Variants in GLIS3 observed in about 807,000 individuals in gnomAD.
GLIS3 encodes the protein zinc finger protein GLIS3.
Under a neutral mutation model 78.6 loss-of-function variants are expected in GLIS3, and 53 were observed. That is an observed-to-expected ratio of 0.67 (90% confidence interval 0.54 to 0.85). The LOEUF (loss-of-function observed/expected upper bound fraction) is 0.85. GLIS3 is among the 40% of genes least tolerant of loss of function. GLIS3 has a pLI of 0.00. For missense variants in GLIS3, 1,703 were observed against 1,231.1 expected, an observed-to-expected ratio of 1.38 and a Z score of -5.74; for synonymous variants, 684 against 509.9, an observed-to-expected ratio of 1.34 and a Z score of -4.60.
intron 2 of GLIS3, among the ~76,000 whole-genome samples, chr9:4,178,737 G>A (rs1012794225): frequency 2.0e-5 from 3 of 152,170 alleles, no homozygotes; most frequent in Non-Finnish European, 4.4e-5. Context: ...GATGTATATA[G>A]GTTGATCAGA....
chr9:4,401,524 A>C, the GLIS3 span, among the ~76,000 whole-genome samples: 1 of 150,626 alleles, frequency 6.6e-6, no homozygotes, highest in Non-Finnish European at 1.5e-5. Flanking sequence ...TTGGCTTCCC[A>C]AAGTGCTTGA....
chr9:3,932,188 T>C (rs1825663141), intron 6 of GLIS3, among the ~76,000 whole-genome samples, 172 bp downstream of exon 6: 1 of 152,096 alleles, frequency 6.6e-6, no homozygotes, highest in African/African-American at 2.4e-5. Flanking sequence ...ATATCAGCTA[T>C]GCAAACCATA....
intron 2 of GLIS3, among the ~76,000 whole-genome samples, chr9:4,220,460 C>T (rs570652282): frequency 6.6e-6 from 1 of 152,268 alleles, no homozygotes; most frequent in East Asian, 1.9e-4. Flanking sequence ...AAGTTAACAC[C>T]ACCAGCATTA....
chr9:4,277,371 T>C (rs1205979475), intron 2 of GLIS3, among the ~76,000 whole-genome samples: 2 of 152,192 alleles, frequency 1.3e-5, no homozygotes, highest in Non-Finnish European at 2.9e-5. Flanking sequence ...CCAATTGAAA[T>C]AGCCAAACAC....
intron 9 of GLIS3, 121 bp from the exon 10 acceptor site, chr9:3,829,613 G>T: frequency 1.1e-6 from 1 of 916,518 alleles, no homozygotes; most frequent in Non-Finnish European, 1.8e-6. Context: ...TAACTCTTAA[G>T]GCCACCTGTA....
intron 2 of GLIS3, among the ~76,000 whole-genome samples, chr9:4,203,998 G>A (rs1414237776): frequency 6.6e-6 from 1 of 152,068 alleles, no homozygotes; most frequent in Non-Finnish European, 1.5e-5. Context: ...AAAACTGTTG[G>A]GTATATGCTA....
At chr9:4,297,208 C>T (rs1245378762) in intron 1 of GLIS3, among the ~76,000 whole-genome samples, 2 of 152,086 alleles carry the variant, frequency 1.3e-5, no homozygotes, top group African/African-American at 4.8e-5. Flanking sequence ...ACTCCCAAGG[C>T]AGAAATCATG....
intron 4 of GLIS3, among the ~76,000 whole-genome samples, chr9:4,045,699 G>A (rs1041967500): frequency 1.3e-5 from 2 of 152,044 alleles, no homozygotes; most frequent in Non-Finnish European, 2.9e-5. Context: ...GGCCCCAACA[G>A]CAGATGCCTG....
At chr9:4,047,492 G>A (rs1825348511) in intron 4 of GLIS3, among the ~76,000 whole-genome samples, 1 of 152,024 alleles carries the variant, frequency 6.6e-6, no homozygotes, top group African/African-American at 2.4e-5. Context: ...ACCTGTTACT[G>A]CTCTGAATTA....
the GLIS3 span, among the ~76,000 whole-genome samples, chr9:4,477,537 C>G: frequency 6.6e-6 from 1 of 152,060 alleles, no homozygotes; most frequent in Non-Finnish European, 1.5e-5. Flanking sequence ...CCCTCGGTCT[C>G]TGGAGTAGCT....
intron 4 of GLIS3, among the ~76,000 whole-genome samples, chr9:4,031,578 T>C (rs936350481): frequency 2.0e-5 from 3 of 152,208 alleles, no homozygotes; most frequent in South Asian, 2.1e-4. Context: ...TTGCACAACA[T>C]TGCAAATGTA....
intron 7 of GLIS3, among the ~76,000 whole-genome samples, chr9:3,880,627 G>C (rs10973995): frequency 1.3e-5 from 2 of 152,086 alleles, no homozygotes; most frequent in Non-Finnish European, 1.5e-5. Flanking sequence ...GATTAAGAAA[G>C]AGAAGCCACA....
chr9:4,439,660 T>G, the GLIS3 span, among the ~76,000 whole-genome samples: 1 of 152,192 alleles, frequency 6.6e-6, no homozygotes. Context: ...CATGAGAGAT[T>G]ATGCAGTTGT....
At chr9:4,156,466 G>C (rs1038132079) in intron 2 of GLIS3, among the ~76,000 whole-genome samples, 6 of 152,130 alleles carry the variant, frequency 3.9e-5, no homozygotes, top group African/African-American at 1.4e-4. Context: ...AACAATTCCT[G>C]TGTTAAGTAT....
At chr9:4,022,670 G>A (rs968644776) in intron 4 of GLIS3, among the ~76,000 whole-genome samples, 5 of 152,208 alleles carry the variant, frequency 3.3e-5, no homozygotes, top group South Asian at 4.2e-4. Context: ...AACTGGAAAC[G>A]GTCCCACAGG....
At position 4,236,184 on chromosome 9, in the gene GLIS3, C is replaced by CAAAAAAA. The variant is rs59839951; in HGVS notation, c.388+49847_388+49853dup. ...CTAGGAAAACTTGACGTGGTTGTCA[C>CAAAAAAA]AAAAAAAAAAAAAAAAAAAAAAAGA... On this transcript the variant is annotated intron_variant, in intron 2 of 10. Transcript: ENST00000381971. Among the ~76,000 whole-genome samples, 516 of 84,134 alleles carry CAAAAAAA rather than the reference C, an allele frequency of 6.1e-3. 21 individuals carry two copies. The highest frequency in any genetic ancestry group is 8.9e-3 in the Non-Finnish European group (394 of 44,154). The allele number at this position is 84,134 out of a possible 152,430, so 55.2% of individuals were successfully genotyped here. A position where few individuals can be genotyped will look rare whatever the true frequency, so the allele number is the denominator to read the frequency against.
chr9:4,366,284 C>T, the GLIS3 span, among the ~76,000 whole-genome samples: 355 of 151,826 alleles, frequency 2.3e-3, 1 homozygote, highest in Non-Finnish European at 2.8e-3. Flanking sequence ...GAATCATTGT[C>T]GTCAAATAAT....
At chr9:4,243,130 A>T (rs557143171) in intron 2 of GLIS3, among the ~76,000 whole-genome samples, 5 of 152,302 alleles carry the variant, frequency 3.3e-5, no homozygotes, top group Non-Finnish European at 7.4e-5. Context: ...CTCTCTTGAG[A>T]AACAACCCTA....
rs143992113 is a variant in GLIS3 at position 4,311,281 on chromosome 9, T to C, written n.265-753A>G. Among the ~76,000 whole-genome samples, 8 of 152,278 alleles carry C rather than the reference T, an allele frequency of 5.3e-5. No individual in the cohort carries two copies. In the East Asian group the frequency reaches 1.5e-3, roughly 29 times the overall value. ...AAAATTATCCGGGCGTGGTGGCACA[T>C]GCCTGTAATCCCAGCAACTTGGGAG... On this transcript the variant is annotated intron_variant and non_coding_transcript_variant, in intron 2 of 4. Coordinates refer to the GLIS3 transcript ENST00000471664.
Sources: allele counts gnomAD v4.1 joint callset (sites outside exome capture counted in the v4.1 genomes callset), GRCh38; gene constraint gnomAD v4.1.1; transcripts MANE v1.5; gene names NCBI Gene and HGNC (gene_info 2026-07-23, HGNC 2026-07-21).